RBFOX1: variants seen among roughly 807,000 people sequenced by gnomAD.
RBFOX1 encodes RNA binding fox-1 homolog 1, also known as RNA binding protein fox-1 homolog 1.
In RBFOX1, 8 loss-of-function variants were observed where a neutral mutation model predicts 57.7. The ratio of observed to expected loss-of-function variants is 0.14; its 90% CI spans 0.08 to 0.25. RBFOX1 has a LOEUF of 0.25. Among genes scored for constraint, RBFOX1 ranks in the 10% least tolerant of loss-of-function variants. The probability of loss-of-function intolerance (pLI) is 1.00; values close to 1 mark genes in which losing one functional copy is unlikely to be tolerated. For missense variants in RBFOX1, 611 were observed against 548.5 expected (o/e 1.11, Z -1.14); for synonymous variants, 326 against 222.4 (o/e 1.47, Z -4.15).
Position 6,434,799 on chromosome 16 carries a change from A to G in RBFOX1, c.-64+117742A>G, listed in dbSNP as rs149285458. On this transcript the variant is annotated intron_variant, in intron 2 of 15. Coordinates refer to ENST00000550418, the MANE Select transcript of RBFOX1 (RefSeq NM_018723.4). ...TATTTTTTAGAGAATGACCACCTGCATTTCCAATGTATTCTTCTCTTCCAA... is the reference window on the plus strand; with the variant it reads ...TATTTTTTAGAGAATGACCACCTGCGTTTCCAATGTATTCTTCTCTTCCAA... Among the ~76,000 whole-genome samples, 652 of 152,266 alleles carry G rather than the reference A, an allele frequency of 4.3e-3. 4 individuals are homozygous for G. Among genetic ancestry groups the G allele is most frequent in the African/African-American group, 0.015 (614 of 41,558 alleles).
rs548473716 is a variant in RBFOX1, at chr16:7,598,581, TC to T, written c.622+1156del. ...CCCATTGCCACCCTGGTTTCCTACC[TC>T]CCCCCTCACAGGAAGCCGCTATTAC... On this transcript the variant is annotated intron_variant, in intron 9 of 15. Coordinates refer to ENST00000550418, the MANE Select transcript of RBFOX1 (RefSeq NM_018723.4). Among the ~76,000 whole-genome samples the T allele has an allele frequency of 1.5e-3, 226 of 152,166 alleles. 2 individuals are homozygous for T. The highest frequency in any genetic ancestry group is 5.2e-3 in the African/African-American group (214 of 41,526).
intron 1 of RBFOX1, among the ~76,000 whole-genome samples, chr16:6,167,303 C>T (rs1460459236): frequency 6.6e-6 from 1 of 152,174 alleles, no homozygotes; most frequent in African/African-American, 2.4e-5. Flanking sequence ...TACCCTTTGA[C>T]GTATAGCTCA....
At chr16:7,312,329 G>A (rs980673252) in intron 4 of RBFOX1, among the ~76,000 whole-genome samples, 1 of 152,196 alleles carries the variant, frequency 6.6e-6, no homozygotes. Context: ...GCAGTGAGCC[G>A]AGATCGCGGC....
At chr16:5,368,387 C>A (rs1438518418) in intron 1 of RBFOX1, among the ~76,000 whole-genome samples, 1 of 152,196 alleles carries the variant, frequency 6.6e-6, no homozygotes, top group African/African-American at 2.4e-5. Context: ...GTCGGGGCAC[C>A]TAACCAATGT....
chr16:6,280,475 G>C (rs2076259523), intron 1 of RBFOX1, among the ~76,000 whole-genome samples: 4 of 152,160 alleles, frequency 2.6e-5, no homozygotes, highest in Admixed American at 2.0e-4. Flanking sequence ...GAGTGAAAAA[G>C]ATTAAGGGAA....
At chr16:5,289,805 T>C (rs1567286415) in intron 1 of RBFOX1, among the ~76,000 whole-genome samples, 1 of 152,180 alleles carries the variant, frequency 6.6e-6, no homozygotes, top group Non-Finnish European at 1.5e-5. Context: ...AAGGCTTTCT[T>C]TCTTACACAG....
chr16:6,910,894 ATC>A (rs1293726512), intron 3 of RBFOX1, among the ~76,000 whole-genome samples: 1 of 152,068 alleles, frequency 6.6e-6, no homozygotes, highest in African/African-American at 2.4e-5. Flanking sequence ...TTCCTTGCTA[ATC>A]TCTGTTAGTA....
At chr16:7,349,100 T>C (rs1354673300) in intron 4 of RBFOX1, among the ~76,000 whole-genome samples, 3 of 152,298 alleles carry the variant, frequency 2.0e-5, no homozygotes, top group East Asian at 3.9e-4. Flanking sequence ...ATGACCACGA[T>C]GGAGGTGTGG....
chr16:6,507,284 T>C (rs958541111), intron 2 of RBFOX1, among the ~76,000 whole-genome samples: 7 of 152,022 alleles, frequency 4.6e-5, no homozygotes, highest in African/African-American at 1.7e-4. Flanking sequence ...CATAGCAGCA[T>C]GTTTACAATA....
At chr16:7,253,740 G>A (rs1029310173) in intron 4 of RBFOX1, among the ~76,000 whole-genome samples, 1 of 152,118 alleles carries the variant, frequency 6.6e-6, no homozygotes, top group Non-Finnish European at 1.5e-5. Flanking sequence ...GTCGATCTAT[G>A]GAGCCTCTCG....
chr16:5,276,426 G>T lies in RBFOX1; in HGVS notation c.219+36321G>T, dbSNP rs569038007. On this transcript the variant is annotated intron_variant, in intron 1 of 2. Coordinates refer to the RBFOX1 transcript ENST00000585867. ...ATGGCCAACAAACATATGAAAAAAT[G>T]CTCAACATCACTAATTATCAGGGAA... Among the ~76,000 whole-genome samples, 336 of 152,252 alleles carry T rather than the reference G, an allele frequency of 2.2e-3. 2 individuals carry two copies. The highest frequency in any genetic ancestry group is 7.7e-3 in the African/African-American group (318 of 41,544).
intron 3 of RBFOX1, among the ~76,000 whole-genome samples, chr16:6,957,417 C>T (rs549974732): frequency 1.3e-5 from 2 of 151,192 alleles, no homozygotes; most frequent in East Asian, 3.9e-4. Context: ...GTTATTTCTT[C>T]ATGATATGCT....
intron 2 of RBFOX1, among the ~76,000 whole-genome samples, chr16:5,556,281 A>G (rs908882117): frequency 4.6e-5 from 7 of 152,182 alleles, no homozygotes; most frequent in South Asian, 2.1e-4. Context: ...AGAAAGCGCT[A>G]TCAAAGGGAT....
intron 4 of RBFOX1, among the ~76,000 whole-genome samples, chr16:5,987,825 T>C (rs184932498): frequency 5.1e-4 from 77 of 152,356 alleles, no homozygotes; most frequent in Admixed American, 8.5e-4. Context: ...GCTAATTTTT[T>C]AACTCTTACT....
intron 3 of RBFOX1, among the ~76,000 whole-genome samples, chr16:5,607,423 C>G (rs559403930): frequency 6.8e-6 from 1 of 146,584 alleles, no homozygotes; most frequent in South Asian, 2.1e-4. Context: ...CCATTTCTCT[C>G]TGTTGCTTTC....
At chr16:7,346,682 AGAC>A (rs1280622842) in intron 4 of RBFOX1, among the ~76,000 whole-genome samples, 1 of 152,042 alleles carries the variant, frequency 6.6e-6, no homozygotes, top group African/African-American at 2.4e-5. Flanking sequence ...CTGTTATCAG[AGAC>A]AAGTTGATGT....
At chr16:5,719,365 C>G (rs987479662) in intron 3 of RBFOX1, among the ~76,000 whole-genome samples, 1 of 144,854 alleles carries the variant, frequency 6.9e-6, no homozygotes, top group Non-Finnish European at 1.5e-5. Context: ...CCATGCCCGG[C>G]TAATTTTTTT....
Position 6,296,919 on chromosome 16 carries a change from A to G in RBFOX1, c.-126-20076A>G, listed in dbSNP as rs567100190. On this transcript the variant is annotated intron_variant, in intron 1 of 15. Coordinates refer to ENST00000550418, the MANE Select transcript of RBFOX1 (RefSeq NM_018723.4). ...GTAAAGTGAAAGCCTGTTTATTAGG[A>G]AATTAAAGGAATAAAGAATGGTTAC... Among the ~76,000 whole-genome samples the G allele has an allele frequency of 1.4e-4, 22 of 152,270 alleles. 1 individual carries two copies. The South Asian group carries it at 4.6e-3, about 32-fold the overall frequency.
At chr16:5,967,665 C>T (rs1015243637) in intron 4 of RBFOX1, among the ~76,000 whole-genome samples, 1 of 152,154 alleles carries the variant, frequency 6.6e-6, no homozygotes, top group Admixed American at 6.6e-5. Flanking sequence ...AATCTATTCT[C>T]TGTTTTATCT....
Sources: gnomAD v4.1 joint callset for allele counts (sites outside exome capture counted in the v4.1 genomes callset) on GRCh38, gnomAD v4.1.1 for gene constraint, MANE v1.5 for transcripts, NCBI Gene and HGNC (gene_info 2026-07-23, HGNC 2026-07-21) for gene names.